The following YWHAG variants were observed in gnomAD, a reference collection of about 807,000 sequenced individuals.
YWHAG encodes the protein tyrosine 3-monooxygenase/tryptophan 5-monooxygenase activation protein gamma.
YWHAG carries 1 observed loss-of-function variant against 23.3 expected under a neutral mutation model. The observed-to-expected ratio is 0.04, with a 90% CI of 0.02 to 0.20. The LOEUF is 0.20. YWHAG is among the 10% of genes least tolerant of loss of function. The pLI is 1.00. For synonymous variants in YWHAG, 160 were observed against 144.0 expected, an observed-to-expected ratio of 1.11 and a Z score of -0.80; for missense variants, 151 against 338.6, an observed-to-expected ratio of 0.45 and a Z score of 4.35.
At chr7:76,352,599 T>C (rs934661946) in intron 1 of YWHAG, among the ~76,000 whole-genome samples, 87 of 152,306 alleles carry the variant, frequency 5.7e-4, no homozygotes, top group African/African-American at 2.0e-3. Context: ...TTTAATGTTA[T>C]GTTAAAAATC....
At position 76,358,961 on chromosome 7, in the gene YWHAG, G is replaced by A. The variant is rs990316285; in HGVS notation, c.-153C>T. On this transcript the variant is annotated 5_prime_UTR_variant, in exon 1 of 2. Coordinates refer to ENST00000307630, the MANE Select transcript of YWHAG (RefSeq NM_012479.4). ...CTGCGCGGAGGAGGCGGCTGGAGCTGCGACCGCGGGACCGGGCGCGAGGCG... is the reference window on the plus strand; with the variant it reads ...CTGCGCGGAGGAGGCGGCTGGAGCTACGACCGCGGGACCGGGCGCGAGGCG... 1 of 620,436 alleles carries A rather than the reference G, an allele frequency of 1.6e-6. No individual in the cohort carries two copies. The highest frequency in any genetic ancestry group is 2.5e-6 in the Non-Finnish European group (1 of 404,830). 38.4% of individuals were successfully genotyped at this position (620,436 alleles called of 1,614,324 possible).
chr7:76,328,405 T>C lies in YWHAG; in HGVS notation c.*1172A>G, dbSNP rs1803485640. Reference sequence around the variant, plus strand: ...AGGAGTGTCTTCGGGGAGGAAAAACTGACACACTGACAAGGCTCCCGAAAT... The same window carrying C: ...AGGAGTGTCTTCGGGGAGGAAAAACCGACACACTGACAAGGCTCCCGAAAT... On this transcript the variant is annotated 3_prime_UTR_variant, in exon 2 of 2. Transcript: ENST00000307630. 2 of 152,192 alleles carry C rather than the reference T, an allele frequency of 1.3e-5. No homozygotes were observed. The highest frequency in any genetic ancestry group is 4.8e-5 in the African/African-American group (2 of 41,432). The allele number at this position is 152,192 out of a possible 1,614,324, so 9.4% of individuals were successfully genotyped here.
At chr7:76,350,636 G>A (rs1410780700) in intron 1 of YWHAG, among the ~76,000 whole-genome samples, 2 of 152,206 alleles carry the variant, frequency 1.3e-5, no homozygotes, top group African/African-American at 4.8e-5. Context: ...CTGAGGCCAG[G>A]AGTTGGAGAC....
intron 1 of YWHAG, among the ~76,000 whole-genome samples, chr7:76,337,779 G>A (rs930227290): frequency 2.0e-5 from 3 of 151,772 alleles, no homozygotes; most frequent in African/African-American, 7.3e-5. Flanking sequence ...CAAGTGATCC[G>A]CCCGCCTCAG....
At chr7:76,346,841 A>T (rs898029744) in intron 1 of YWHAG, among the ~76,000 whole-genome samples, 8 of 152,180 alleles carry the variant, frequency 5.3e-5, no homozygotes, top group African/African-American at 1.9e-4. Context: ...AACAAACCTC[A>T]GAAGGCCCTT....
At chr7:76,350,840 T>C (rs1297930954) in intron 1 of YWHAG, among the ~76,000 whole-genome samples, 3 of 151,290 alleles carry the variant, frequency 2.0e-5, no homozygotes, top group Non-Finnish European at 4.4e-5. Context: ...CAAGACTGTC[T>C]CAAAAAAAAG....
chr7:76,327,312 A>T lies in YWHAG; in HGVS notation c.*2265T>A, dbSNP rs902962652. 1.3e-5 allele frequency: 2 copies of T among 152,242 alleles called. No individual in the cohort carries two copies. Among genetic ancestry groups the T allele is most frequent in the African/African-American group, 4.8e-5 (2 of 41,460 alleles). The allele number at this position is 152,242 out of a possible 1,614,324, so 9.4% of individuals were successfully genotyped here. On this transcript the variant is annotated 3_prime_UTR_variant, in exon 2 of 2. Transcript: ENST00000307630. ...CCTACAGTATAAGTTAATCAATTTC[A>T]AGCTACTGTATAGAAATACAACACT...
chr7:76,332,240 C>T (rs1227118671), intron 1 of YWHAG, among the ~76,000 whole-genome samples: 5 of 152,166 alleles, frequency 3.3e-5, no homozygotes, highest in African/African-American at 9.7e-5. Context: ...CTCTTGTTCC[C>T]GGCACTTCTG....
At chr7:76,344,117 A>AT (rs912513486) in intron 1 of YWHAG, among the ~76,000 whole-genome samples, 49 of 149,004 alleles carry the variant, frequency 3.3e-4, no homozygotes, top group East Asian at 7.8e-4. Context: ...ACAATTAGGA[A>AT]TTTTTTTTTT....
At chr7:76,351,100 T>C (rs374756227) in intron 1 of YWHAG, among the ~76,000 whole-genome samples, 5 of 152,048 alleles carry the variant, frequency 3.3e-5, no homozygotes, top group African/African-American at 1.2e-4. Flanking sequence ...ACGATGGAAA[T>C]ATCCCTGCAT....
chr7:76,343,960 G>A (rs995560734), intron 1 of YWHAG, among the ~76,000 whole-genome samples: 6 of 152,092 alleles, frequency 3.9e-5, no homozygotes, highest in South Asian at 2.1e-4. Flanking sequence ...ACTGACTTAC[G>A]AAAAGCAAAT....
chr7:76,336,736 G>T (rs889939088), intron 1 of YWHAG, among the ~76,000 whole-genome samples: 1 of 151,000 alleles, frequency 6.6e-6, no homozygotes, highest in Non-Finnish European at 1.5e-5. Flanking sequence ...GATTACAGGC[G>T]TGAGCCACGG....
At position 76,327,971 on chromosome 7, in the gene YWHAG, G is replaced by GC. The variant is rs1313646620; in HGVS notation, c.*1605dup. The GC allele has an allele frequency of 6.6e-6, 1 of 151,980 alleles. No individual in the cohort carries two copies. The highest frequency in any genetic ancestry group is 1.5e-5 in the Non-Finnish European group (1 of 68,006). The allele number at this position is 151,980 out of a possible 1,614,324, so 9.4% of individuals were successfully genotyped here. The stretch of plus-strand genomic sequence containing the variant: ...AAGCTCAATTTTGGTATTAGCAAAA[G>GC]CATCTGTCAGTTTTTCCTCAATTAC... On this transcript the variant is annotated 3_prime_UTR_variant, in exon 2 of 2. Coordinates refer to ENST00000307630, the MANE Select transcript of YWHAG (RefSeq NM_012479.4).
At chr7:76,335,922 C>G (rs80077886) in intron 1 of YWHAG, among the ~76,000 whole-genome samples, 1 of 152,176 alleles carries the variant, frequency 6.6e-6, no homozygotes, top group South Asian at 2.1e-4. Flanking sequence ...TGCACTCCAG[C>G]CTGGGCAACA....
chr7:76,346,505 C>T (rs1040042413), intron 1 of YWHAG, among the ~76,000 whole-genome samples: 3 of 152,214 alleles, frequency 2.0e-5, no homozygotes, highest in South Asian at 2.1e-4. Flanking sequence ...TTACGAATGG[C>T]GGTCAAATTG....
At chr7:76,348,174 A>C (rs913310939) in intron 1 of YWHAG, among the ~76,000 whole-genome samples, 3 of 152,194 alleles carry the variant, frequency 2.0e-5, no homozygotes, top group African/African-American at 7.2e-5. Flanking sequence ...ATTAATTGAA[A>C]GAGATCAATT....
intron 1 of YWHAG, among the ~76,000 whole-genome samples, chr7:76,339,859 C>CG (rs1803665283): frequency 6.6e-6 from 1 of 152,114 alleles, no homozygotes; most frequent in Non-Finnish European, 1.5e-5. Context: ...AAGGCCAAGG[C>CG]GGGTGAATTG....
Position 76,358,955 on chromosome 7 carries a change from G to A in YWHAG, c.-147C>T, listed in dbSNP as rs1583997984. The A allele has an allele frequency of 8.8e-6, 6 of 679,970 alleles. No homozygotes were observed. The highest frequency in any genetic ancestry group is 6.1e-5 in the South Asian group (2 of 32,886). The allele number at this position is 679,970 out of a possible 1,614,324, so 42.1% of individuals were successfully genotyped here. A position where few individuals can be genotyped will look rare whatever the true frequency, so the allele number is the denominator to read the frequency against. On this transcript the variant is annotated 5_prime_UTR_variant, in exon 1 of 2. Transcript: ENST00000307630. ...CGGCGGCTGCGCGGAGGAGGCGGCT[G>A]GAGCTGCGACCGCGGGACCGGGCGC...
chr7:76,343,219 A>G (rs1803725856), intron 1 of YWHAG, among the ~76,000 whole-genome samples: 2 of 150,498 alleles, frequency 1.3e-5, no homozygotes, highest in African/African-American at 4.8e-5. Context: ...CAGCTTTATT[A>G]AGGTATCTAC....
Sources: gnomAD v4.1 joint callset for allele counts (sites outside exome capture counted in the v4.1 genomes callset) on GRCh38, gnomAD v4.1.1 for gene constraint, MANE v1.5 for transcripts, NCBI Gene and HGNC (gene_info 2026-07-23, HGNC 2026-07-21) for gene names.